The following TMEM209 variants were observed in gnomAD, a reference collection of about 807,000 sequenced individuals.
TMEM209 encodes transmembrane protein 209.
In TMEM209, 65 loss-of-function variants were observed where a neutral mutation model predicts 76.2. The ratio of observed to expected loss-of-function variants is 0.85; its 90% confidence interval spans 0.70 to 1.05. TMEM209 has a LOEUF of 1.05. Ranked by LOEUF, TMEM209 falls within the 50% of genes least tolerant of loss-of-function variation. TMEM209 has a pLI of 0.00. For missense variants in TMEM209, 623 were observed against 685.5 expected (o/e 0.91, Z 1.02); for synonymous variants, 239 against 237.6 (o/e 1.01, Z -0.06).
rs1353935874 is a variant in TMEM209 at position 130,205,228 on chromosome 7, G to A, written c.3+145C>T. The A allele has an allele frequency of 4.4e-5, 70 of 1,594,554 alleles. 1 individual carries two copies. The highest frequency in any genetic ancestry group is 5.7e-5 in the Non-Finnish European group (67 of 1,172,738). ...GGGCACGAACTTCAGCAACCCTATT[G>A]CTTCTTTCTTCCCTTCCCCTAGAGA... On this transcript the variant is annotated intron_variant, in intron 1 of 14. Coordinates refer to ENST00000397622, the MANE Select transcript of TMEM209 (RefSeq NM_032842.4).
At chr7:130,203,368 A>G (rs1448939852) in intron 3 of TMEM209, among the ~76,000 whole-genome samples, 2 of 152,228 alleles carry the variant, frequency 1.3e-5, no homozygotes, top group East Asian at 3.8e-4. Flanking sequence ...TTTAACATCC[A>G]TAAAGACTCT....
chr7:130,194,718 C>T (rs1797913079), intron 5 of TMEM209, among the ~76,000 whole-genome samples: 1 of 152,078 alleles, frequency 6.6e-6, no homozygotes, highest in Non-Finnish European at 1.5e-5. Flanking sequence ...AAAAATTGGA[C>T]ATTTAATTTG....
At chr7:130,196,455 A>G (rs1797975226) in intron 5 of TMEM209, among the ~76,000 whole-genome samples, 1 of 152,208 alleles carries the variant, frequency 6.6e-6, no homozygotes, top group Non-Finnish European at 1.5e-5. Context: ...AAGATGAATA[A>G]AAACATAATC....
Position 130,166,399 on chromosome 7 carries a change from G to T in TMEM209, c.*52C>A. 1 of 1,456,460 alleles carries T rather than the reference G, an allele frequency of 6.9e-7. No individual in the cohort carries two copies. The allele number at this position is 1,456,460 out of a possible 1,614,324, so 90.2% of individuals were successfully genotyped here. A position where few individuals can be genotyped will look rare whatever the true frequency, so the allele number is the denominator to read the frequency against. On this transcript the variant is annotated 3_prime_UTR_variant, in exon 15 of 15. Transcript: ENST00000397622. Reference sequence around the variant, plus strand: ...CAGTGGCTCAGAGATGTTTAGTTTCGACTTCTGGTTCAGTGAAATAGTCTA... The same window carrying T: ...CAGTGGCTCAGAGATGTTTAGTTTCTACTTCTGGTTCAGTGAAATAGTCTA...
chr7:130,205,046 TTCC>T (rs1798391968), intron 1 of TMEM209: 7 of 1,297,536 alleles, frequency 5.4e-6, no homozygotes, highest in Non-Finnish European at 6.9e-6. Flanking sequence ...GGATTTATAA[TTCC>T]TCCTTTCTTC....
intron 5 of TMEM209, among the ~76,000 whole-genome samples, chr7:130,193,056 T>C (rs1014675682): frequency 6.6e-6 from 1 of 152,178 alleles, no homozygotes; most frequent in African/African-American, 2.4e-5. Flanking sequence ...GTAAATATTA[T>C]CTTACCATAC....
In TMEM209 at chr7:130,175,629, T is replaced by G; in HGVS notation, c.1247-20A>C. On this transcript the variant is annotated intron_variant, in intron 10 of 14. Transcript: ENST00000397622. ...ATAGTTCTGTGGCAACAAGGTGAAA[T>G]TTTTAAAAGCTAAGAGTATGCAAAA... The G allele has an allele frequency of 6.3e-7, 1 of 1,593,014 alleles. No individual in the cohort carries two copies.
At position 130,181,664 on chromosome 7, in the gene TMEM209, G is replaced by T. The variant is rs982542495; in HGVS notation, c.1079C>A (p.Thr360Lys). ...TGGACAACCCATTCGTCTCATCTGT[G>T]TGCTGACAGACTCAATCTCTTGAAC... is the stretch of plus-strand genomic sequence containing the variant. ...PLVQEIESVSTQMRRMGCPEL... is the reference protein window; with the variant it reads ...PLVQEIESVSKQMRRMGCPEL... Residue 360 changes from threonine to lysine, a missense_variant, in exon 9 of 15, where the codon ACA (threonine) becomes AAA (lysine). Thr to Lys is a moderately conservative substitution (Grantham distance 78). Coordinates refer to ENST00000397622, the MANE Select transcript of TMEM209 (RefSeq NM_032842.4). 1.8e-5 allele frequency: 29 copies of T among 1,612,464 alleles called. No homozygotes were observed. The highest frequency in any genetic ancestry group is 6.7e-5 in the Admixed American group (4 of 59,864).
rs760502369 is a variant in TMEM209 at position 130,185,229 on chromosome 7, T to C, written c.914A>G (p.Asp305Gly). 1 of 1,613,940 alleles carries C rather than the reference T, an allele frequency of 6.2e-7. No homozygotes were observed. The highest frequency in any genetic ancestry group is 1.1e-5 in the South Asian group (1 of 91,070). The change falls in exon 7 of 15, where the codon GAT (aspartate) becomes GGT (glycine). Residue 305 changes from aspartate to glycine, a missense_variant. By Grantham distance (94) the Asp-to-Gly change is moderately conservative. Coordinates refer to ENST00000397622, the MANE Select transcript of TMEM209 (RefSeq NM_032842.4). The part of the protein sequence containing the change: ...CRSQAPCANK[D>G]EADLSSKQAA... ...TTGTTTAGAGCTGAGATCGGCTTCA[T>C]CTTTGTTAGCACATGGGGCCTGAGA... is the stretch of plus-strand genomic sequence containing the variant.
chr7:130,198,128 C>T (rs1405793608), intron 5 of TMEM209, among the ~76,000 whole-genome samples: 11 of 152,150 alleles, frequency 7.2e-5, no homozygotes, highest in Admixed American at 7.2e-4. Context: ...TATAGATTTG[C>T]CCATTCTGAA....
At chr7:130,202,747 CTAAAAT>C in intron 3 of TMEM209, 84 bp from the exon 4 acceptor site, 1 of 1,365,598 alleles carries the variant, frequency 7.3e-7, no homozygotes, top group Non-Finnish European at 9.7e-7. Context: ...ACTTAGCAAA[CTAAAAT>C]TACCTTCTTA....
chr7:130,198,331 T>C (rs1430726881), intron 5 of TMEM209, among the ~76,000 whole-genome samples: 1 of 152,040 alleles, frequency 6.6e-6, no homozygotes, highest in Non-Finnish European at 1.5e-5. Context: ...CAAAAATGGG[T>C]AGGGCGAGGT....
chr7:130,183,680 T>G (rs888063816), intron 8 of TMEM209, among the ~76,000 whole-genome samples: 3 of 151,612 alleles, frequency 2.0e-5, no homozygotes, highest in African/African-American at 7.3e-5. Context: ...AGACGTGGAG[T>G]TGGAAATAGG....
chr7:130,173,432 G>C (rs1387971943), intron 13 of TMEM209, among the ~76,000 whole-genome samples, 200 bp downstream of exon 13: 1 of 152,164 alleles, frequency 6.6e-6, no homozygotes, highest in Non-Finnish European at 1.5e-5. Flanking sequence ...AATGGAATGA[G>C]TGATTTTCCT....
rs1197826336 is a variant in TMEM209 at position 130,192,804 on chromosome 7, GA to G, written c.592del (p.Ser198LeufsTer18). ...GYNKLASFSP[S>X]PPSPYPTTVG... Reference sequence around the variant, plus strand: ...AGTGGTAGGGTACGGAGAAGGAGGAGAGGGGCTAAAGCTCGCCAACTATACA... The same window carrying G: ...AGTGGTAGGGTACGGAGAAGGAGGAGGGGGCTAAAGCTCGCCAACTATACA... On this transcript the variant is annotated frameshift_variant, in exon 6 of 15. Transcript: ENST00000397622. LOFTEE classifies it high-confidence loss of function. 6.2e-7 allele frequency: 1 copy of G among 1,613,826 alleles called. No individual in the cohort carries two copies. Among genetic ancestry groups the G allele is most frequent in the East Asian group, 2.2e-5 (1 of 44,898 alleles).
At chr7:130,202,199 G>A (rs1798234726) in intron 4 of TMEM209, 108 bp from the exon 5 acceptor site, 4 of 1,348,646 alleles carry the variant, frequency 3.0e-6, no homozygotes, top group African/African-American at 1.5e-5. Flanking sequence ...AGTTAACAGA[G>A]TTACTTGGTT....
chr7:130,182,294 A>T (rs959085923), intron 8 of TMEM209, among the ~76,000 whole-genome samples: 4 of 152,144 alleles, frequency 2.6e-5, no homozygotes, highest in Non-Finnish European at 5.9e-5. Flanking sequence ...TGAAAAAAAA[A>T]TATAAAACTT....
rs1796883524 is a variant in TMEM209, at chr7:130,166,411, A to G, written c.*40T>C. On this transcript the variant is annotated 3_prime_UTR_variant, in exon 15 of 15. Coordinates refer to ENST00000397622, the MANE Select transcript of TMEM209 (RefSeq NM_032842.4). ...GATGTTTAGTTTCGACTTCTGGTTC[A>G]GTGAAATAGTCTAAATGTCAGAATT... is the stretch of plus-strand genomic sequence containing the variant. 2 of 1,500,170 alleles carry G rather than the reference A, an allele frequency of 1.3e-6. No homozygotes were observed. Among genetic ancestry groups the G allele is most frequent in the Admixed American group, 2.3e-5 (1 of 43,824 alleles). 92.9% of individuals were successfully genotyped at this position (1,500,170 alleles called of 1,614,324 possible).
chr7:130,186,673 T>C (rs141940473), intron 6 of TMEM209, among the ~76,000 whole-genome samples: 14 of 152,228 alleles, frequency 9.2e-5, no homozygotes, highest in Non-Finnish European at 4.4e-5. Context: ...CTTTAGACAA[T>C]GAATAGAAAT....
Sources: allele counts gnomAD v4.1 joint callset (sites outside exome capture counted in the v4.1 genomes callset), GRCh38; gene constraint gnomAD v4.1.1; transcripts MANE v1.5; gene names NCBI Gene and HGNC (gene_info 2026-07-23, HGNC 2026-07-21).